Variants in LEO1 observed in about 807,000 individuals in gnomAD.
The protein encoded by LEO1 is LEO1 component of Paf1/RNA polymerase II complex.
LEO1 carries 34 observed loss-of-function variants against 80.4 expected under a neutral mutation model. The ratio of observed to expected loss-of-function variants is 0.42; its 90% CI spans 0.32 to 0.56. The LOEUF is 0.56. Ranked by LOEUF, LEO1 falls within the 20% of genes least tolerant of loss-of-function variation. The pLI is 0.10. For missense variants in LEO1, 631 were observed against 814.2 expected (o/e 0.77, Z 2.74); for synonymous variants, 262 against 274.9 (o/e 0.95, Z 0.46).
intron 7 of LEO1, 152 bp from the exon 8 acceptor site, chr15:51,953,415 G>T: frequency 1.4e-6 from 1 of 696,338 alleles, no homozygotes; most frequent in Non-Finnish European, 2.3e-6. Flanking sequence ...GAGGTCAGGA[G>T]TTTGAGACAA....
At chr15:51,950,834 G>A (rs1441482305) in intron 9 of LEO1, among the ~76,000 whole-genome samples, 1 of 152,228 alleles carries the variant, frequency 6.6e-6, no homozygotes, top group Non-Finnish European at 1.5e-5. Context: ...GGACATGGAG[G>A]AGGGTGTGGG....
In LEO1 at chr15:51,949,963, C is replaced by T. The variant is rs114380946; in HGVS notation, c.1643G>A (p.Arg548His). ...KEEERLRASI[R>H]RESQQRRMRE... ...CATTCGGCGCTGCTGAGATTCCCTA[C>T]GTATGGAAGCCCTCAAACGTTCTTC... The change falls in exon 10 of 12, where the codon CGT (arginine) becomes CAT (histidine). Residue 548 changes from arginine to histidine, a missense_variant. By Grantham distance (29) the Arg-to-His change is conservative (BLOSUM62 0). Transcript: ENST00000299601. 17 of 1,613,530 alleles carry T rather than the reference C, an allele frequency of 1.1e-5. No homozygotes were observed. The highest frequency in any genetic ancestry group is 1.7e-5 in the Admixed American group (1 of 59,914).
chr15:51,942,401 C>G (rs1183750386), intron 11 of LEO1, among the ~76,000 whole-genome samples: 1 of 150,870 alleles, frequency 6.6e-6, no homozygotes, highest in Non-Finnish European at 1.5e-5. Context: ...TAGAAGAAGG[C>G]TATCTGATGG....
chr15:51,966,859 G>C (rs567270090), intron 1 of LEO1, among the ~76,000 whole-genome samples: 5 of 151,756 alleles, frequency 3.3e-5, no homozygotes, highest in African/African-American at 1.2e-4. Flanking sequence ...TGCAGTGAGC[G>C]GAGATCAAGC....
chr15:51,960,062 A>T lies in LEO1; in HGVS notation c.1015-18T>A, dbSNP rs1380559027. 6.2e-7 allele frequency: 1 copy of T among 1,606,674 alleles called. No homozygotes were observed. The highest frequency in any genetic ancestry group is 8.5e-7 in the Non-Finnish European group (1 of 1,177,074). On this transcript the variant is annotated intron_variant, in intron 4 of 11. Coordinates refer to ENST00000299601, the MANE Select transcript of LEO1 (RefSeq NM_138792.4). ...TTTTCATCCTAGTGAAAGAATCGGA[A>T]GTTTGGAGCTTGACAGGACCTTAGA...
chr15:51,967,465 T>C (rs1287887472), intron 1 of LEO1, among the ~76,000 whole-genome samples: 2 of 152,126 alleles, frequency 1.3e-5, no homozygotes, highest in African/African-American at 2.4e-5. Context: ...AAAGCGAGAC[T>C]CTGTCTCAAA....
chr15:51,969,838 TAAAAAAAAAAA>T (rs58342384), intron 1 of LEO1, among the ~76,000 whole-genome samples: 2 of 89,978 alleles, frequency 2.2e-5, no homozygotes, highest in African/African-American at 4.3e-5. Context: ...GAGACTCCGT[TAAAAAAAAAAA>T]AAAAAAAAAA....
chr15:51,962,536 A>C (rs1206257792), intron 2 of LEO1, 43 bp from the exon 3 acceptor site: 5 of 1,400,360 alleles, frequency 3.6e-6, no homozygotes, highest in Non-Finnish European at 5.0e-6. Context: ...CAGTCGCATT[A>C]GTTGAATTTT....
chr15:51,955,384 T>G (rs1017247694), intron 6 of LEO1, among the ~76,000 whole-genome samples: 1 of 152,152 alleles, frequency 6.6e-6, no homozygotes, highest in Non-Finnish European at 1.5e-5. Flanking sequence ...AAGTGCCCTA[T>G]GAAAATGAAA....
rs753563038 is a variant in LEO1 at position 51,962,350 on chromosome 15, G to A, written c.919+39C>T. 2.5e-5 allele frequency: 33 copies of A among 1,294,714 alleles called. No homozygotes were observed. In the Middle Eastern group the frequency reaches 3.7e-3, roughly 147 times the overall value. The allele number at this position is 1,294,714 out of a possible 1,614,324, so 80.2% of individuals were successfully genotyped here. A position where few individuals can be genotyped will look rare whatever the true frequency, so the allele number is the denominator to read the frequency against. On this transcript the variant is annotated intron_variant, in intron 3 of 11. Coordinates refer to ENST00000299601, the MANE Select transcript of LEO1 (RefSeq NM_138792.4). ...TGCACTACAGTTAAATACAGAAAGA[G>A]GTATGGAAATATACATATATATATA...
chr15:51,967,201 G>GCCACC (rs2057084928), intron 1 of LEO1, among the ~76,000 whole-genome samples: 1 of 152,066 alleles, frequency 6.6e-6, no homozygotes. Context: ...GGCCAGGCAT[G>GCCACC]GTGGTTCACA....
intron 1 of LEO1, among the ~76,000 whole-genome samples, chr15:51,970,158 A>ATTTATTTAT (rs1465558681): frequency 6.6e-5 from 10 of 152,082 alleles, no homozygotes; most frequent in Admixed American, 5.9e-4. Context: ...ATGTACATGA[A>ATTTATTTAT]TTTATTTATT....
At chr15:51,964,663 C>T (rs565434418) in intron 2 of LEO1, among the ~76,000 whole-genome samples, 1 of 152,014 alleles carries the variant, frequency 6.6e-6, no homozygotes, top group South Asian at 2.1e-4. Flanking sequence ...CTTCTAATAA[C>T]ACCAAGATGT....
At chr15:51,942,202 A>G (rs2141739712) in intron 11 of LEO1, among the ~76,000 whole-genome samples, 1 of 152,308 alleles carries the variant, frequency 6.6e-6, no homozygotes, top group Non-Finnish European at 1.5e-5. Context: ...TGAAGAGGCA[A>G]TGGCAGGGGT....
chr15:51,955,675 T>C (rs2056983535), intron 6 of LEO1, among the ~76,000 whole-genome samples: 1 of 152,200 alleles, frequency 6.6e-6, no homozygotes, highest in African/African-American at 2.4e-5. Context: ...GCCAAGACCA[T>C]GCTTCCCTCT....
Position 51,971,709 on chromosome 15 carries a change from C to A in LEO1, c.37G>T (p.Asp13Tyr). Residue 13 changes from aspartate to tyrosine, a missense_variant, in exon 1 of 12, where the codon GAC (aspartate) becomes TAC (tyrosine). Around this residue, in one of 4 missense-constraint regions of LEO1, gnomAD observed 394 missense variants for 395.6 expected, o/e 1.00. Coordinates refer to ENST00000299601, the MANE Select transcript of LEO1 (RefSeq NM_138792.4). ...DMEDLFGSDA[D>Y]SEAERKDSDS... ...CCACCTTTACGCTCAGCTTCGCTGTCGGCGTCGCTCCCGAAGAGATCCTCC... is the reference window on the plus strand; with the variant it reads ...CCACCTTTACGCTCAGCTTCGCTGTAGGCGTCGCTCCCGAAGAGATCCTCC... 1 of 1,614,196 alleles carries A rather than the reference C, an allele frequency of 6.2e-7. No homozygotes were observed. The highest frequency in any genetic ancestry group is 8.5e-7 in the Non-Finnish European group (1 of 1,180,048).
rs139666260 is a variant in LEO1 at position 51,938,201 on chromosome 15, A to G, written c.1956T>C (p.His652=). 7 of 1,610,682 alleles carry G rather than the reference A, an allele frequency of 4.3e-6. No individual in the cohort carries two copies. In the African/African-American group the frequency reaches 8.0e-5, roughly 18 times the overall value. ...CTTCATCGCTGATCACATACTTCTT[A>G]TGCTTTTTATTTGCTTTATCATCAT... ...AEDDDKANKK[H]KKYVISDEEE... Residue 652 remains histidine, a synonymous_variant, in exon 12 of 12, where the codon CAT becomes CAC. Coordinates refer to ENST00000299601, the MANE Select transcript of LEO1 (RefSeq NM_138792.4).
In LEO1 at chr15:51,966,516, T is replaced by C; in HGVS notation, c.59-12A>G. On this transcript the variant is annotated splice_polypyrimidine_tract_variant and intron_variant, in intron 1 of 11. Coordinates refer to ENST00000299601, the MANE Select transcript of LEO1 (RefSeq NM_138792.4). ...TCCAGAATCAGAATCTATGGGGTCA[T>C]ATAAACATAGGATAACATAAGCAAA... is the stretch of plus-strand genomic sequence containing the variant. 6.8e-7 allele frequency: 1 copy of C among 1,475,190 alleles called. No homozygotes were observed. The highest frequency in any genetic ancestry group is 9.4e-7 in the Non-Finnish European group (1 of 1,064,300). 91.4% of individuals were successfully genotyped at this position (1,475,190 alleles called of 1,614,324 possible).
At chr15:51,961,087 G>A (rs574303776) in intron 3 of LEO1, among the ~76,000 whole-genome samples, 17 of 152,234 alleles carry the variant, frequency 1.1e-4, no homozygotes, top group African/African-American at 4.1e-4. Context: ...GTCTATCCCA[G>A]ATTCAAAATT....
Sources: allele counts gnomAD v4.1 joint callset (sites outside exome capture counted in the v4.1 genomes callset), GRCh38; gene constraint gnomAD v4.1.1; regional missense constraint gnomAD v4.1.1; transcripts MANE v1.5; gene names NCBI Gene and HGNC (gene_info 2026-07-23, HGNC 2026-07-21).